APBA1: variants seen among roughly 807,000 people sequenced by gnomAD.
APBA1 encodes the protein amyloid-beta A4 precursor protein-binding family A member 1.
In APBA1, 55 loss-of-function variants were observed where a neutral mutation model predicts 86.6. The observed-to-expected ratio is 0.64, with a 90% CI of 0.51 to 0.80. APBA1 has a LOEUF of 0.80. APBA1 is among the 30% of genes least tolerant of loss of function. The pLI is 0.00. For synonymous variants in APBA1, 511 were observed against 493.9 expected, an observed-to-expected ratio of 1.03 and a Z score of -0.46; for missense variants, 1,090 against 1,183.0, an observed-to-expected ratio of 0.92 and a Z score of 1.15.
At chr9:69,556,166 T>C (rs1378641675) in intron 1 of APBA1, among the ~76,000 whole-genome samples, 1 of 152,176 alleles carries the variant, frequency 6.6e-6, no homozygotes, top group East Asian at 1.9e-4. Flanking sequence ...ACAGCAATGA[T>C]ATAAACATAA....
chr9:69,570,874 G>C (rs1221975513), intron 1 of APBA1, among the ~76,000 whole-genome samples: 1 of 152,134 alleles, frequency 6.6e-6, no homozygotes, highest in Non-Finnish European at 1.5e-5. Context: ...TTCCCTCTTG[G>C]TTTGTTTGTG....
chr9:69,474,383 C>G (rs1835410265), intron 3 of APBA1: 2 of 152,196 alleles, frequency 1.3e-5, no homozygotes, highest in African/African-American at 4.8e-5. Flanking sequence ...GCTTTTTCAA[C>G]CAGCAAATGA....
intron 1 of APBA1, among the ~76,000 whole-genome samples, chr9:69,611,688 CTA>C (rs1472135081): frequency 6.6e-6 from 1 of 152,158 alleles, no homozygotes; most frequent in Admixed American, 6.5e-5. Flanking sequence ...GTTTCTATTG[CTA>C]TGTTTTACTT....
intron 1 of APBA1, among the ~76,000 whole-genome samples, chr9:69,517,889 G>T (rs1441375925): frequency 6.6e-6 from 1 of 152,122 alleles, no homozygotes; most frequent in Non-Finnish European, 1.5e-5. Context: ...CTATTATATA[G>T]GGTAAAAAAG....
chr9:69,545,810 A>T (rs1836688697), intron 1 of APBA1, among the ~76,000 whole-genome samples: 2 of 152,180 alleles, frequency 1.3e-5, no homozygotes, highest in African/African-American at 4.8e-5. Flanking sequence ...AATGACTTTG[A>T]ATGCAAAAAG....
intron 3 of APBA1, among the ~76,000 whole-genome samples, chr9:69,475,799 G>A (rs1414866678): frequency 2.0e-5 from 3 of 152,220 alleles, no homozygotes; most frequent in African/African-American, 2.4e-5. Context: ...CACTTGAAAT[G>A]TGGCTACTGT....
chr9:69,465,931 A>T (rs984953277), intron 5 of APBA1, among the ~76,000 whole-genome samples: 2 of 152,196 alleles, frequency 1.3e-5, no homozygotes, highest in South Asian at 4.1e-4. Flanking sequence ...TCCCTGACAC[A>T]CGGAAGGAAC....
chr9:69,615,470 G>A (rs1352801982), intron 1 of APBA1, among the ~76,000 whole-genome samples: 1 of 152,148 alleles, frequency 6.6e-6, no homozygotes, highest in Non-Finnish European at 1.5e-5. Flanking sequence ...ATTTGAGAAC[G>A]TGCTTAAAAT....
intron 1 of APBA1, among the ~76,000 whole-genome samples, chr9:69,544,109 A>G (rs1376000708): frequency 6.6e-6 from 1 of 152,122 alleles, no homozygotes; most frequent in African/African-American, 2.4e-5. Context: ...CTTTTTTGTT[A>G]TTATTATTTT....
intron 1 of APBA1, among the ~76,000 whole-genome samples, chr9:69,615,027 C>T (rs1822672011): frequency 6.6e-6 from 1 of 152,096 alleles, no homozygotes; most frequent in African/African-American, 2.4e-5. Context: ...GGTGAAACCC[C>T]TTCTCTATCA....
At chr9:69,565,959 AG>A (rs1837020459) in intron 1 of APBA1, among the ~76,000 whole-genome samples, 1 of 152,182 alleles carries the variant, frequency 6.6e-6, no homozygotes, top group Non-Finnish European at 1.5e-5. Context: ...CGTGGCCTCA[AG>A]GCCTGCCTGC....
intron 1 of APBA1, among the ~76,000 whole-genome samples, chr9:69,595,988 C>T (rs184937933): frequency 6.6e-6 from 1 of 151,176 alleles, no homozygotes; most frequent in East Asian, 1.9e-4. Context: ...TTTTTTGCAT[C>T]CCCCCCACCC....
intron 7 of APBA1, 143 bp downstream of exon 7, chr9:69,456,910 G>C (rs1043913528): frequency 1.5e-6 from 1 of 659,986 alleles, no homozygotes; most frequent in Non-Finnish European, 2.6e-6. Context: ...AGCAGGCACT[G>C]TGAACACCAC....
chr9:69,663,025 C>A (rs190214292), intron 1 of APBA1, among the ~76,000 whole-genome samples: 2 of 152,276 alleles, frequency 1.3e-5, no homozygotes, highest in Admixed American at 1.3e-4. Context: ...GAAAAAACAA[C>A]TTTTGACATG....
At chr9:69,542,533 C>T (rs1411056756) in intron 1 of APBA1, among the ~76,000 whole-genome samples, 1 of 152,174 alleles carries the variant, frequency 6.6e-6, no homozygotes, top group African/African-American at 2.4e-5. Flanking sequence ...TATCGAAGGA[C>T]ATCTTGGTTG....
chr9:69,598,738 G>A (rs1264934303), intron 1 of APBA1, among the ~76,000 whole-genome samples: 1 of 152,184 alleles, frequency 6.6e-6, no homozygotes, highest in Non-Finnish European at 1.5e-5. Context: ...CACCTGTGGG[G>A]AGATGGAAAA....
At chr9:69,520,035 G>A (rs1174510867) in intron 1 of APBA1, among the ~76,000 whole-genome samples, 5 of 152,100 alleles carry the variant, frequency 3.3e-5, no homozygotes, top group South Asian at 2.1e-4. Flanking sequence ...CAGACCTCAC[G>A]GGAGTATTTA....
intron 12 of APBA1, 67 bp from the exon 13 acceptor site, chr9:69,431,465 G>C (rs1834594681): frequency 3.5e-6 from 5 of 1,409,342 alleles, no homozygotes; most frequent in African/African-American, 1.4e-5. Context: ...GCACTGCCCA[G>C]GGCTGGCCAG....
At chr9:69,504,825 C>G (rs1262205248) in intron 2 of APBA1, among the ~76,000 whole-genome samples, 2 of 152,052 alleles carry the variant, frequency 1.3e-5, no homozygotes, top group African/African-American at 4.8e-5. Flanking sequence ...TTCACCCTTT[C>G]CTTACAGAAG....
Sources: gnomAD v4.1 joint callset for allele counts (sites outside exome capture counted in the v4.1 genomes callset) on GRCh38, gnomAD v4.1.1 for gene constraint, MANE v1.5 for transcripts, NCBI Gene and HGNC (gene_info 2026-07-23, HGNC 2026-07-21) for gene names.